Variants in TCF12 observed in about 807,000 individuals in gnomAD.
TCF12 encodes transcription factor 12.
TCF12 carries 45 observed loss-of-function variants against 86.0 expected under a neutral mutation model. That is an observed-to-expected ratio of 0.52 (90% CI 0.41 to 0.67). The LOEUF (loss-of-function observed/expected upper bound fraction) is 0.67. Among genes scored for constraint, TCF12 ranks in the 30% least tolerant of loss-of-function variants. The pLI is 0.00. For synonymous variants in TCF12, 330 were observed against 299.6 expected, an observed-to-expected ratio of 1.10 and a Z score of -1.05; for missense variants, 881 against 859.9, an observed-to-expected ratio of 1.02 and a Z score of -0.31.
intron 3 of TCF12, among the ~76,000 whole-genome samples, chr15:57,059,273 C>G (rs142125525): frequency 6.6e-6 from 1 of 152,304 alleles, no homozygotes; most frequent in Non-Finnish European, 1.5e-5. Flanking sequence ...TCCCTGTGCC[C>G]TTGCTCCCAA....
chr15:57,120,149 C>T (rs192762009), intron 5 of TCF12, among the ~76,000 whole-genome samples: 1 of 152,188 alleles, frequency 6.6e-6, no homozygotes, highest in African/African-American at 2.4e-5. Context: ...TTGCTAGATA[C>T]TGCGTTGACT....
intron 5 of TCF12, among the ~76,000 whole-genome samples, chr15:57,129,153 C>T (rs2051910927): frequency 6.6e-6 from 1 of 152,344 alleles, no homozygotes; most frequent in Middle Eastern, 3.4e-3. Flanking sequence ...CCATCAGCAA[C>T]TTATGAAGGT....
At chr15:57,197,166 T>TTTTTTTTTTTTTG (rs2057309318) in intron 7 of TCF12, among the ~76,000 whole-genome samples, 1 of 144,628 alleles carries the variant, frequency 6.9e-6, no homozygotes, top group Non-Finnish European at 1.5e-5. Context: ...TTTTTTTTTT[T>TTTTTTTTTTTTTG]TTTTTTTGAG....
At chr15:56,987,021 A>G (rs1464019946) in intron 3 of TCF12, among the ~76,000 whole-genome samples, 2 of 152,178 alleles carry the variant, frequency 1.3e-5, no homozygotes, top group Admixed American at 1.3e-4. Context: ...ATTAATAAAT[A>G]AGTTTTTGAG....
At chr15:57,048,547 C>A (rs746034404) in intron 3 of TCF12, among the ~76,000 whole-genome samples, 1 of 152,116 alleles carries the variant, frequency 6.6e-6, no homozygotes, top group Non-Finnish European at 1.5e-5. Flanking sequence ...AGGTGTGAGC[C>A]GCTGCACCCA....
intron 8 of TCF12, among the ~76,000 whole-genome samples, chr15:57,202,437 C>CTTT (rs1295280076): frequency 1.4e-5 from 2 of 139,364 alleles, no homozygotes; most frequent in African/African-American, 2.6e-5. Flanking sequence ...CTGCCCTCAG[C>CTTT]TTTTTTTTTT....
chr15:57,034,393 T>A (rs1310232761), intron 3 of TCF12, among the ~76,000 whole-genome samples: 1 of 152,162 alleles, frequency 6.6e-6, no homozygotes. Context: ...GTCGAGTTTG[T>A]AGCTGTACTC....
intron 5 of TCF12, among the ~76,000 whole-genome samples, chr15:57,138,755 TA>T (rs1318757390): frequency 1.3e-5 from 2 of 152,278 alleles, no homozygotes; most frequent in Non-Finnish European, 2.9e-5. Flanking sequence ...GGTTCATAGA[TA>T]AAAAGCAAAT....
chr15:57,180,981 AT>A (rs2056308905), intron 6 of TCF12, among the ~76,000 whole-genome samples: 1 of 151,224 alleles, frequency 6.6e-6, no homozygotes, highest in Admixed American at 6.6e-5. Context: ...CGCCCGCCTA[AT>A]TTTTTGTATT....
At chr15:56,931,080 C>T (rs933537313) in intron 3 of TCF12, among the ~76,000 whole-genome samples, 12 of 152,152 alleles carry the variant, frequency 7.9e-5, no homozygotes, top group African/African-American at 2.9e-4. Flanking sequence ...TTCCTTCACC[C>T]CCCACCCCAG....
chr15:57,094,933 G>T (rs1261134622), intron 5 of TCF12, among the ~76,000 whole-genome samples: 1 of 152,104 alleles, frequency 6.6e-6, no homozygotes, highest in East Asian at 1.9e-4. Flanking sequence ...TTTGTACATT[G>T]CAAAAATGAG....
intron 4 of TCF12, among the ~76,000 whole-genome samples, chr15:57,076,638 CAA>C (rs201622891): frequency 1.4e-4 from 17 of 118,752 alleles, no homozygotes; most frequent in Admixed American, 2.5e-4. Context: ...GGCTCTGTCT[CAA>C]AAAAAAAAAA....
chr15:57,011,494 C>A (rs1596107368), intron 3 of TCF12, among the ~76,000 whole-genome samples: 1 of 152,140 alleles, frequency 6.6e-6, no homozygotes, highest in Non-Finnish European at 1.5e-5. Context: ...AACCTCTGTT[C>A]TTTGTAAATT....
intron 5 of TCF12, among the ~76,000 whole-genome samples, chr15:57,117,162 C>A (rs903746477): frequency 2.0e-5 from 3 of 151,876 alleles, no homozygotes; most frequent in Non-Finnish European, 4.4e-5. Flanking sequence ...ACCTCTGCCT[C>A]CCAAGGAGCT....
intron 3 of TCF12, among the ~76,000 whole-genome samples, chr15:57,016,299 T>G (rs1417112843): frequency 6.6e-6 from 1 of 152,240 alleles, no homozygotes; most frequent in Non-Finnish European, 1.5e-5. Flanking sequence ...ACAAGGTAGA[T>G]TCTGTGTAAT....
At chr15:57,110,596 CA>C (rs1226663498) in intron 5 of TCF12, among the ~76,000 whole-genome samples, 4 of 151,994 alleles carry the variant, frequency 2.6e-5, no homozygotes, top group Non-Finnish European at 5.9e-5. Flanking sequence ...TTTTTGTGTA[CA>C]GGAAGAAAAT....
chr15:57,004,412 AT>A (rs1253455766), intron 3 of TCF12, among the ~76,000 whole-genome samples: 1 of 150,688 alleles, frequency 6.6e-6, no homozygotes, highest in Non-Finnish European at 1.5e-5. Context: ...TAATTTTTTT[AT>A]TTTTTATTTT....
rs1402297502 is a variant in TCF12, at chr15:57,232,507, A to G, written c.825+77A>G. The G allele has an allele frequency of 1.2e-5, 18 of 1,518,256 alleles. No homozygotes were observed. The East Asian group carries it at 3.9e-4, about 33-fold the overall frequency. 94.0% of individuals were successfully genotyped at this position (1,518,256 alleles called of 1,614,324 possible). A position where few individuals can be genotyped will look rare whatever the true frequency, so the allele number is the denominator to read the frequency against. ...TTTCTTTTTGGATTAGAAGTGTAAAATCTAAGTCTGCCAAAACTTCTGAAG... is the reference window on the plus strand; with the variant it reads ...TTTCTTTTTGGATTAGAAGTGTAAAGTCTAAGTCTGCCAAAACTTCTGAAG... On this transcript the variant is annotated intron_variant, in intron 10 of 20. Transcript: ENST00000333725.
At chr15:57,029,815 T>C (rs2066039860) in intron 3 of TCF12, among the ~76,000 whole-genome samples, 2 of 152,170 alleles carry the variant, frequency 1.3e-5, no homozygotes, top group Non-Finnish European at 2.9e-5. Context: ...TGCGTATAAA[T>C]GTAATAATAC....
Sources: gnomAD v4.1 joint callset for allele counts (sites outside exome capture counted in the v4.1 genomes callset) on GRCh38, gnomAD v4.1.1 for gene constraint, MANE v1.5 for transcripts, NCBI Gene and HGNC (gene_info 2026-07-23, HGNC 2026-07-21) for gene names.